The following HRH4 variants were observed in gnomAD, a reference collection of about 807,000 sequenced individuals.
HRH4 encodes the protein histamine H4 receptor.
In HRH4, 12 loss-of-function variants were observed where a neutral mutation model predicts 10.4. The observed-to-expected ratio is 1.15, with a 90% CI of 0.74 to 1.87. The LOEUF is 1.87. Among genes scored for constraint, HRH4 ranks in the 40% most tolerant of loss-of-function variants. The pLI, the probability that HRH4 is intolerant of heterozygous loss-of-function variation, is 0.00. For missense variants in HRH4, 415 were observed against 453.3 expected (o/e 0.92, Z 0.77); for synonymous variants, 154 against 166.6 (o/e 0.92, Z 0.58).
At chr18:24,461,007 G>A in intron 1 of HRH4, 86 bp downstream of exon 1, 3 of 1,038,142 alleles carry the variant, frequency 2.9e-6, no homozygotes, top group South Asian at 2.0e-5. Flanking sequence ...TTATTTCAGG[G>A]GACTGTATAC....
At chr18:24,460,980 C>A in intron 1 of HRH4, 59 bp downstream of exon 1, 1 of 1,219,184 alleles carries the variant, frequency 8.2e-7, no homozygotes, top group Non-Finnish European at 1.1e-6. Flanking sequence ...TTTCTAAATC[C>A]TTAAAATAAG....
At position 24,468,835 on chromosome 18, in the gene HRH4, G is replaced by T; in HGVS notation, c.241G>T (p.Asp81Tyr). Residue 81 changes from aspartate (D) to tyrosine (Y), a missense_variant, in exon 2 of 3, where the codon GAT becomes TAT. Asp to Tyr is a radical substitution (Grantham distance 160). Coordinates refer to ENST00000256906, the MANE Select transcript of HRH4 (RefSeq NM_021624.4). ...CATCCCTCACACGCTGTTCGAATGGGATTTTGGAAAGGAAATCTGTGTATT... is the reference window on the plus strand; with the variant it reads ...CATCCCTCACACGCTGTTCGAATGGTATTTTGGAAAGGAAATCTGTGTATT... ...LYIPHTLFEW[D>Y]FGKEICVFWL... 6.2e-7 allele frequency: 1 copy of T among 1,614,046 alleles called. No homozygotes were observed.
chr18:24,461,020 CTG>C (rs1346045996), intron 1 of HRH4, 99 bp downstream of exon 1: 27 of 876,724 alleles, frequency 3.1e-5, no homozygotes, highest in Non-Finnish European at 4.3e-5. Context: ...CTGTATACAA[CTG>C]GGGAAAAATA....
chr18:24,460,670 T>C lies in HRH4; in HGVS notation c.-59T>C. 1.7e-6 allele frequency: 2 copies of C among 1,144,758 alleles called. No homozygotes were observed. The highest frequency in any genetic ancestry group is 2.4e-6 in the Non-Finnish European group (2 of 819,438). 70.9% of individuals were successfully genotyped at this position (1,144,758 alleles called of 1,614,324 possible). On this transcript the variant is annotated 5_prime_UTR_variant, in exon 1 of 3. Transcript: ENST00000256906. ...TAGGTATGTGATTAGAAAACATACTTGTCAGAATTGTCTGGCTGGATTAAT... is the reference window on the plus strand; with the variant it reads ...TAGGTATGTGATTAGAAAACATACTCGTCAGAATTGTCTGGCTGGATTAAT...
At chr18:24,474,014 ATGC>A (rs1910059771) in intron 2 of HRH4, among the ~76,000 whole-genome samples, 1 of 152,136 alleles carries the variant, frequency 6.6e-6, no homozygotes, top group Non-Finnish European at 1.5e-5. Context: ...TCTTTCAAAT[ATGC>A]TCCCCGGAGA....
At chr18:24,473,257 C>T (rs1313691332) in intron 2 of HRH4, among the ~76,000 whole-genome samples, 2 of 152,162 alleles carry the variant, frequency 1.3e-5, no homozygotes, top group Non-Finnish European at 2.9e-5. Context: ...ATCAAGACCA[C>T]AGGAAATCTC....
chr18:24,461,025 G>A, intron 1 of HRH4, 104 bp downstream of exon 1: 2 of 830,934 alleles, frequency 2.4e-6, no homozygotes, highest in Non-Finnish European at 3.5e-6. Context: ...TACAACTGGG[G>A]AAAAATAAAC....
chr18:24,470,607 G>T (rs564369312), intron 2 of HRH4, among the ~76,000 whole-genome samples: 3 of 150,820 alleles, frequency 2.0e-5, no homozygotes, highest in Admixed American at 2.0e-4. Context: ...AGGTTCAAGT[G>T]ATCCTCCTGC....
rs1049746564 is a variant in HRH4 at position 24,477,882 on chromosome 18, A to G, written c.*320A>G. 1 of 198,338 alleles carries G rather than the reference A, an allele frequency of 5.0e-6. No individual in the cohort carries two copies. Among genetic ancestry groups the G allele is most frequent in the African/African-American group, 2.3e-5 (1 of 43,074 alleles). The allele number at this position is 198,338 out of a possible 1,614,324, so 12.3% of individuals were successfully genotyped here. A position where few individuals can be genotyped will look rare whatever the true frequency, so the allele number is the denominator to read the frequency against. On this transcript the variant is annotated 3_prime_UTR_variant, in exon 3 of 3. Coordinates refer to ENST00000256906, the MANE Select transcript of HRH4 (RefSeq NM_021624.4). ...AGTCTTAAGTGAATTTCTCTTTTTT[A>G]ATTTTATCGTAATAGAAACTTATCC...
Position 24,460,830 on chromosome 18 carries a change from T to G in HRH4, c.102T>G (p.Ala34=). 1 of 1,591,270 alleles carries G rather than the reference T, an allele frequency of 6.3e-7. No individual in the cohort carries two copies. The highest frequency in any genetic ancestry group is 2.2e-5 in the East Asian group (1 of 44,452). ...LVAFAIMLGN[A]LVILAFVVDK... is the part of the protein sequence containing the mutation. ...CTTTTGCTATAATGCTAGGAAATGC[T>G]TTGGTCATTTTAGCTTTTGTGGTGG... is the stretch of plus-strand genomic sequence containing the variant. Residue 34 remains alanine, a synonymous_variant, in exon 1 of 3, where the codon GCT becomes GCG. Coordinates refer to ENST00000256906, the MANE Select transcript of HRH4 (RefSeq NM_021624.4).
In HRH4 at chr18:24,477,432, G is replaced by A. The variant is rs746380432; in HGVS notation, c.1043G>A (p.Trp348Ter). 3.1e-6 allele frequency: 5 copies of A among 1,614,108 alleles called. No homozygotes were observed. The South Asian group carries it at 4.4e-5, about 14-fold the overall frequency. Residue 348 changes from tryptophan to a stop codon, truncating the protein, a stop_gained, in exon 3 of 3, where the codon TGG becomes TAG. Transcript: ENST00000256906. LOFTEE classifies it low-confidence loss of function (END_TRUNC). ...VWYRIAFWLQ[W>*]FNSFVNPLLY... ...TATAGAATTGCATTTTGGCTTCAGT[G>A]GTTCAATTCCTTTGTCAATCCTCTT...
intron 1 of HRH4, among the ~76,000 whole-genome samples, chr18:24,464,239 A>G (rs758822087): frequency 1.3e-5 from 2 of 152,154 alleles, no homozygotes; most frequent in African/African-American, 2.4e-5. Context: ...ATTCTGGCCA[A>G]TATTGGTTCC....
intron 2 of HRH4, among the ~76,000 whole-genome samples, chr18:24,472,952 C>T (rs760486844): frequency 3.3e-5 from 5 of 152,072 alleles, no homozygotes; most frequent in African/African-American, 9.7e-5. Context: ...GTTAGGAGTT[C>T]GAGACCAGCC....
rs2144387962 is a variant in HRH4, at chr18:24,478,417, C to T, written c.*855C>T. On this transcript the variant is annotated 3_prime_UTR_variant, in exon 3 of 3. Coordinates refer to ENST00000256906, the MANE Select transcript of HRH4 (RefSeq NM_021624.4). ...ATTTTTAAAAATTTTTATTTGTTGG[C>T]CGGGCATGGTGGCTCACGCCTGAAA... is the stretch of plus-strand genomic sequence containing the variant. The T allele has an allele frequency of 6.6e-6, 1 of 152,344 alleles. No individual in the cohort carries two copies. Among genetic ancestry groups the T allele is most frequent in the Non-Finnish European group, 1.5e-5 (1 of 68,152 alleles). The allele number at this position is 152,344 out of a possible 1,614,324, so 9.4% of individuals were successfully genotyped here.
rs1031071571 is a variant in HRH4, at chr18:24,479,053, G to A, written c.*1491G>A. The A allele has an allele frequency of 6.6e-6, 1 of 152,212 alleles. No individual in the cohort carries two copies. The highest frequency in any genetic ancestry group is 1.5e-5 in the Non-Finnish European group (1 of 68,076). 9.4% of individuals were successfully genotyped at this position (152,212 alleles called of 1,614,324 possible). A position where few individuals can be genotyped will look rare whatever the true frequency, so the allele number is the denominator to read the frequency against. ...GTGCCTAAGCCACCTGAGCAGCTGG[G>A]ATTACAGGTGCATGCCACCATGCCT... On this transcript the variant is annotated 3_prime_UTR_variant, in exon 3 of 3. Coordinates refer to ENST00000256906, the MANE Select transcript of HRH4 (RefSeq NM_021624.4).
rs1456730302 is a variant in HRH4 at position 24,469,828 on chromosome 18, C to T, written c.357+877C>T. On this transcript the variant is annotated intron_variant, in intron 2 of 2. Transcript: ENST00000256906. ...TTTTACATGAGTAAGCTGCGTGTCG[C>T]GGGGGTTTTGGCGTAGGGATTATTT... Among the ~76,000 whole-genome samples the T allele has an allele frequency of 3.9e-5, 6 of 152,112 alleles. No individual in the cohort carries two copies. In the East Asian group the frequency reaches 5.8e-4, roughly 15 times the overall value.
chr18:24,463,143 C>T (rs962344027), intron 1 of HRH4, among the ~76,000 whole-genome samples: 1 of 152,246 alleles, frequency 6.6e-6, no homozygotes, highest in Non-Finnish European at 1.5e-5. Context: ...AGACCAGCAT[C>T]ATGGCAGTCC....
intron 2 of HRH4, among the ~76,000 whole-genome samples, chr18:24,469,392 T>C (rs1909874127): frequency 6.6e-6 from 1 of 152,104 alleles, no homozygotes; most frequent in South Asian, 2.1e-4. Flanking sequence ...AAAGACAGTA[T>C]ATAGGGAAGC....
intron 2 of HRH4, among the ~76,000 whole-genome samples, chr18:24,470,175 G>A (rs1218596892): frequency 6.6e-6 from 1 of 152,162 alleles, no homozygotes; most frequent in Non-Finnish European, 1.5e-5. Context: ...TCTCCAAAAT[G>A]TGGAGGCTTA....
Sources: allele counts gnomAD v4.1 joint callset (sites outside exome capture counted in the v4.1 genomes callset), GRCh38; gene constraint gnomAD v4.1.1; transcripts MANE v1.5; gene names NCBI Gene and HGNC (gene_info 2026-07-23, HGNC 2026-07-21).